Variants in NUP85 observed in about 807,000 individuals in gnomAD.
NUP85 encodes the protein nuclear pore complex protein Nup85.
Under a neutral mutation model 92.8 loss-of-function variants are expected in NUP85, and 23 were observed. That is an observed-to-expected ratio of 0.25 (90% CI 0.18 to 0.35). NUP85 has a LOEUF of 0.35. Ranked by LOEUF, NUP85 falls within the 10% of genes least tolerant of loss-of-function variation. NUP85 has a pLI of 1.00. For missense variants in NUP85, 759 were observed against 822.8 expected (o/e 0.92, Z 0.95); for synonymous variants, 314 against 306.9 (o/e 1.02, Z -0.24).
At position 75,235,750 on chromosome 17, in the gene NUP85, G is replaced by A. The variant is rs1598373223; in HGVS notation, c.*71G>A. The stretch of plus-strand genomic sequence containing the variant: ...TTTTTAAAAGAATAAATGTTGTTTT[G>A]CAAATGTAGGTTCTTAGAGTCCACC... On this transcript the variant is annotated 3_prime_UTR_variant, in exon 19 of 19. Transcript: ENST00000245544. 14 of 1,179,980 alleles carry A rather than the reference G, an allele frequency of 1.2e-5. No homozygotes were observed. Among genetic ancestry groups the A allele is most frequent in the South Asian group, 2.6e-5 (2 of 77,198 alleles). 73.1% of individuals were successfully genotyped at this position (1,179,980 alleles called of 1,614,324 possible).
chr17:75,218,594 T>TTTTTG lies in NUP85; in HGVS notation c.597+292_597+293insGTTTT, dbSNP rs1206526372. 3.2e-3 allele frequency among the ~76,000 whole-genome samples: 445 copies of TTTTTG among 137,268 alleles called. 10 individuals carry two copies. Among genetic ancestry groups the TTTTTG allele is most frequent in the African/African-American group, 0.011 (419 of 37,210 alleles). The allele number at this position is 137,268 out of a possible 152,430, so 90.1% of individuals were successfully genotyped here. On this transcript the variant is annotated intron_variant, in intron 7 of 18. Coordinates refer to ENST00000245544, the MANE Select transcript of NUP85 (RefSeq NM_024844.5). ...CAAAAAGGAATACAAAACCGTTTTT[T>TTTTTG]TTTTTTTTTTTTTGAGACAGGGTCT...
intron 4 of NUP85, among the ~76,000 whole-genome samples, chr17:75,212,852 G>A (rs1598274359): frequency 1.3e-5 from 2 of 152,082 alleles, no homozygotes; most frequent in South Asian, 2.1e-4. Context: ...CTGTGTTGCA[G>A]TTGAAAGTGC....
At chr17:75,228,399 T>C in intron 11 of NUP85, 3 of 985,414 alleles carry the variant, frequency 3.0e-6, no homozygotes, top group Non-Finnish European at 3.6e-6. Context: ...GTGGGAAATC[T>C]TGGAGTTTGC....
At chr17:75,227,490 C>T (rs370905227) in intron 11 of NUP85, among the ~76,000 whole-genome samples, 1 of 151,906 alleles carries the variant, frequency 6.6e-6, no homozygotes, top group Non-Finnish European at 1.5e-5. Context: ...TGTCCGTCAC[C>T]ACGCCCAGCA....
At chr17:75,219,700 A>G (rs761154177) in intron 7 of NUP85, among the ~76,000 whole-genome samples, 9 of 152,208 alleles carry the variant, frequency 5.9e-5, no homozygotes, top group Non-Finnish European at 1.3e-4. Flanking sequence ...ACAGCAACAC[A>G]TAGGCTAGTA....
rs768963282 is a variant in NUP85 at position 75,212,228 on chromosome 17, G to GTTTTTTTTTTTTTTTTTTTTT, written c.361+166_361+167insTTTTTTTTTTTTTTTTTTTTT. ...CTTACTTTTTTGGTAATCATTTAGA[G>GTTTTTTTTTTTTTTTTTTTTT]GTTTTTTTTTTTGTTGTTGTTTTTT... is the stretch of plus-strand genomic sequence containing the variant. On this transcript the variant is annotated intron_variant, in intron 4 of 18. Transcript: ENST00000245544. 2.4e-5 allele frequency among the ~76,000 whole-genome samples: 2 copies of GTTTTTTTTTTTTTTTTTTTTT among 84,564 alleles called. 1 individual carries two copies. 55.5% of individuals were successfully genotyped at this position (84,564 alleles called of 152,430 possible). A position where few individuals can be genotyped will look rare whatever the true frequency, so the allele number is the denominator to read the frequency against.
chr17:75,226,322 T>G (rs2075793663), intron 11 of NUP85, among the ~76,000 whole-genome samples, 165 bp downstream of exon 11: 1 of 152,156 alleles, frequency 6.6e-6, no homozygotes. Flanking sequence ...AGATAATTTA[T>G]AAAGAAAAAG....
chr17:75,212,238 T>TTG (rs2075291494), intron 4 of NUP85, among the ~76,000 whole-genome samples, 176 bp downstream of exon 4: 1 of 7,974 alleles, frequency 1.3e-4, no homozygotes, highest in African/African-American at 1.7e-4. Flanking sequence ...GGTTTTTTTT[T>TTG]TTGTTGTTGT....
In NUP85 at chr17:75,225,087, C is replaced by T. The variant is rs2075737643; in HGVS notation, c.598-16C>T. ...AGGCCTCCTGCCAATGCTTATGGGC[C>T]CGGATCTCCTCCCAGGTGACCATCT... On this transcript the variant is annotated splice_polypyrimidine_tract_variant and intron_variant, in intron 7 of 18. Coordinates refer to ENST00000245544, the MANE Select transcript of NUP85 (RefSeq NM_024844.5). 6.5e-7 allele frequency: 1 copy of T among 1,531,888 alleles called. No individual in the cohort carries two copies. Among genetic ancestry groups the T allele is most frequent in the African/African-American group, 1.4e-5 (1 of 72,590 alleles). The allele number at this position is 1,531,888 out of a possible 1,614,324, so 94.9% of individuals were successfully genotyped here.
At chr17:75,229,919 G>A (rs979234460) in intron 11 of NUP85, among the ~76,000 whole-genome samples, 13 of 152,130 alleles carry the variant, frequency 8.5e-5, no homozygotes, top group African/African-American at 3.1e-4. Flanking sequence ...AGAAATCTGG[G>A]TAGCAACAGC....
chr17:75,217,239 T>C (rs1027704991), intron 6 of NUP85, among the ~76,000 whole-genome samples: 1 of 151,720 alleles, frequency 6.6e-6, no homozygotes, highest in African/African-American at 2.4e-5. Flanking sequence ...TTTGTATTTT[T>C]TGTGGAGAGG....
chr17:75,231,632 A>C lies in NUP85; in HGVS notation c.1238A>C (p.His413Pro). 1 of 1,614,152 alleles carries C rather than the reference A, an allele frequency of 6.2e-7. No homozygotes were observed. The highest frequency in any genetic ancestry group is 8.5e-7 in the Non-Finnish European group (1 of 1,180,016). ...GAGTACGCCTCGGGACTGTTTGCTC[A>C]TCCCAGGTAGGAAGGACCCCATGGG... ...LLEYASGLFA[H>P]PSLWQLGVDY... The change falls in exon 13 of 19, where the codon CAT becomes CCT. Residue 413 changes from histidine (H) to proline (P), a missense_variant. Physicochemically the swap from His to Pro is moderately conservative, Grantham distance 77. Transcript: ENST00000245544. The surrounding 1 kb of genome is among the most constrained non-coding windows in gnomAD (Gnocchi z 4.6).
chr17:75,231,581 C>G lies in NUP85; in HGVS notation c.1187C>G (p.Ser396Cys). The change falls in exon 13 of 19, where the codon TCC becomes TGC. Residue 396 changes from serine (S) to cysteine (C), a missense_variant. Transcript: ENST00000245544. This position sits in a 1 kb window ranked among gnomAD's most constrained non-coding sequence, Gnocchi z 4.6. Reference protein sequence around the residue: ...LLQSHNLYFGSNMREFLLLEY... With the variant: ...LLQSHNLYFGCNMREFLLLEY... ...GTTATGTTTTATTCCAGTTTCGGTT[C>G]CAACATGAGAGAGTTCCTCCTGCTG... 1 of 1,614,192 alleles carries G rather than the reference C, an allele frequency of 6.2e-7. No homozygotes were observed. Among genetic ancestry groups the G allele is most frequent in the Non-Finnish European group, 8.5e-7 (1 of 1,180,030 alleles).
At chr17:75,218,329 C>T in intron 7 of NUP85, 23 bp downstream of exon 7, 1 of 1,611,496 alleles carries the variant, frequency 6.2e-7, no homozygotes, top group Non-Finnish European at 8.5e-7. Context: ...GGGCCCCCAC[C>T]TCCCACCATG....
chr17:75,212,228 GGTTTTTTTTTTTGTTGTTGTTTTTTT>G (rs2075288779), intron 4 of NUP85, among the ~76,000 whole-genome samples, 166 bp downstream of exon 4: 3 of 84,542 alleles, frequency 3.5e-5, no homozygotes, highest in Non-Finnish European at 4.5e-5. Flanking sequence ...ATCATTTAGA[GGTTTTTTTTTTTGTTGTTGTTTTTTT>G]TTTTTTTTTT....
chr17:75,208,643 T>C lies in NUP85; in HGVS notation c.127+23T>C, dbSNP rs569773435. On this transcript the variant is annotated intron_variant, in intron 2 of 18. Coordinates refer to ENST00000245544, the MANE Select transcript of NUP85 (RefSeq NM_024844.5). Reference sequence around the variant, plus strand: ...AAGGTAGGGTTTTTTTTCTTCCAAATTATCCATCTTGGCACATTTGGTTGT... The same window carrying C: ...AAGGTAGGGTTTTTTTTCTTCCAAACTATCCATCTTGGCACATTTGGTTGT... The C allele has an allele frequency of 9.8e-6, 13 of 1,326,488 alleles. No homozygotes were observed. The African/African-American group carries it at 1.6e-4, about 16-fold the overall frequency. 82.2% of individuals were successfully genotyped at this position (1,326,488 alleles called of 1,614,324 possible). A position where few individuals can be genotyped will look rare whatever the true frequency, so the allele number is the denominator to read the frequency against.
intron 1 of NUP85, among the ~76,000 whole-genome samples, chr17:75,206,262 A>ACAGTAT (rs1277913966): frequency 6.6e-6 from 1 of 152,088 alleles, no homozygotes; most frequent in Non-Finnish European, 1.5e-5. Context: ...AACTTTGAAG[A>ACAGTAT]CAGTATGTCA....
chr17:75,226,891 A>C, intron 11 of NUP85: 1 of 309,198 alleles, frequency 3.2e-6, no homozygotes. Context: ...GAGCTACCGA[A>C]CCACTGGGCT....
At chr17:75,224,423 T>C (rs1268000022) in intron 7 of NUP85, among the ~76,000 whole-genome samples, 1 of 152,148 alleles carries the variant, frequency 6.6e-6, no homozygotes, top group African/African-American at 2.4e-5. Flanking sequence ...AATTGCATGA[T>C]CCTGGACATT....
Sources: gnomAD v4.1 joint callset for allele counts (sites outside exome capture counted in the v4.1 genomes callset) on GRCh38, gnomAD v4.1.1 for gene constraint, Gnocchi (gnomAD v3.1) non-coding constraint, MANE v1.5 for transcripts, NCBI Gene and HGNC (gene_info 2026-07-23, HGNC 2026-07-21) for gene names.